HHAT: variants seen among roughly 807,000 people sequenced by gnomAD.
HHAT encodes hedgehog acyltransferase.
In HHAT, 47 loss-of-function variants were observed where a neutral mutation model predicts 70.8. That is an observed-to-expected ratio of 0.66 (90% CI 0.53 to 0.85). The LOEUF (loss-of-function observed/expected upper bound fraction) is 0.85. HHAT is among the 40% of genes least tolerant of loss of function. The probability of loss-of-function intolerance (pLI) is 0.00; values close to 1 mark genes in which losing one functional copy is unlikely to be tolerated. For synonymous variants in HHAT, 228 were observed against 247.6 expected (o/e 0.92, Z 0.74); for missense variants, 609 against 604.8 (o/e 1.01, Z -0.07).
intron 7 of HHAT, among the ~76,000 whole-genome samples, chr1:210,446,619 C>T (rs1201574003): frequency 1.3e-5 from 2 of 152,204 alleles, no homozygotes; most frequent in Non-Finnish European, 2.9e-5. Context: ...GGCCTCTGTG[C>T]TCCTGCACTG....
intron 3 of HHAT, among the ~76,000 whole-genome samples, chr1:210,381,584 A>C (rs895259899): frequency 1.3e-5 from 2 of 152,154 alleles, no homozygotes; most frequent in African/African-American, 4.8e-5. Context: ...CCCGGCCTCA[A>C]ATCATTTTTA....
chr1:210,602,029 G>A (rs1363867492), intron 10 of HHAT, among the ~76,000 whole-genome samples: 1 of 151,504 alleles, frequency 6.6e-6, no homozygotes, highest in African/African-American at 2.4e-5. Flanking sequence ...AGGCAGCCAA[G>A]GAACACCAAT....
At chr1:210,516,065 G>A (rs1271316391) in intron 9 of HHAT, among the ~76,000 whole-genome samples, 1 of 134,250 alleles carries the variant, frequency 7.4e-6, no homozygotes, top group African/African-American at 2.7e-5. Context: ...GTAAGACTCT[G>A]TCTCAAAAGA....
intron 2 of HHAT, among the ~76,000 whole-genome samples, chr1:210,361,117 C>A (rs897308701): frequency 6.6e-5 from 10 of 152,292 alleles, no homozygotes; most frequent in African/African-American, 2.4e-4. Flanking sequence ...TCCCGTGTAA[C>A]TCTGATGTTT....
chr1:210,429,480 C>G (rs1358490360), intron 7 of HHAT, among the ~76,000 whole-genome samples: 1 of 151,844 alleles, frequency 6.6e-6, no homozygotes, highest in East Asian at 1.9e-4. Flanking sequence ...GTCCCACACA[C>G]TGGATTTGAC....
At chr1:210,625,976 G>A (rs564172313) in intron 11 of HHAT, among the ~76,000 whole-genome samples, 2 of 152,350 alleles carry the variant, frequency 1.3e-5, no homozygotes, top group East Asian at 3.9e-4. Context: ...TGCACCAGCT[G>A]TCTATGGCAC....
intron 7 of HHAT, among the ~76,000 whole-genome samples, chr1:210,442,607 A>G (rs972990955): frequency 3.3e-5 from 5 of 152,066 alleles, no homozygotes; most frequent in African/African-American, 9.7e-5. Context: ...GCCAGTGATG[A>G]TGAGCATTTT....
At chr1:210,512,246 TGGA>T (rs1301570859) in intron 8 of HHAT, among the ~76,000 whole-genome samples, 1 of 152,022 alleles carries the variant, frequency 6.6e-6, no homozygotes, top group Non-Finnish European at 1.5e-5. Flanking sequence ...TTCTCTCAGG[TGGA>T]AAGCTCCAGG....
At chr1:210,329,221 C>T (rs1226339022) in intron 1 of HHAT, 117 bp downstream of exon 1, 6 of 1,237,700 alleles carry the variant, frequency 4.8e-6, no homozygotes, top group Non-Finnish European at 4.0e-6. Flanking sequence ...ACCCAAGTTC[C>T]CGTGTGCGCG....
chr1:210,488,809 T>C (rs900302931), intron 8 of HHAT, among the ~76,000 whole-genome samples: 2 of 152,122 alleles, frequency 1.3e-5, no homozygotes, highest in East Asian at 1.9e-4. Context: ...GGGAGGATCA[T>C]TTGAGCCCCT....
At chr1:210,339,750 G>T (rs999978331) in intron 1 of HHAT, among the ~76,000 whole-genome samples, 1 of 152,196 alleles carries the variant, frequency 6.6e-6, no homozygotes, top group Non-Finnish European at 1.5e-5. Context: ...GAACAGAACT[G>T]TCCAGACTGC....
intron 1 of HHAT, among the ~76,000 whole-genome samples, chr1:210,332,315 A>C (rs1296474300): frequency 6.6e-6 from 1 of 152,244 alleles, no homozygotes; most frequent in Non-Finnish European, 1.5e-5. Flanking sequence ...TTAGCAACAA[A>C]AGTGCAAGTG....
intron 8 of HHAT, among the ~76,000 whole-genome samples, chr1:210,472,847 G>T (rs2148463759): frequency 6.6e-6 from 1 of 152,284 alleles, no homozygotes; most frequent in East Asian, 1.9e-4. Flanking sequence ...ACAGGTCATA[G>T]GTGGATTTCA....
intron 8 of HHAT, among the ~76,000 whole-genome samples, chr1:210,483,546 G>A (rs2094430438): frequency 6.6e-6 from 1 of 152,138 alleles, no homozygotes; most frequent in Admixed American, 6.5e-5. Flanking sequence ...TAGGTTCTGT[G>A]TATTTGTGGG....
intron 10 of HHAT, among the ~76,000 whole-genome samples, chr1:210,613,958 T>G (rs1178574406): frequency 6.9e-6 from 1 of 144,976 alleles, no homozygotes; most frequent in Non-Finnish European, 1.5e-5. Flanking sequence ...AAGTCTAAGC[T>G]GCAGTGAGTC....
At chr1:210,465,544 A>C (rs973969115) in intron 8 of HHAT, among the ~76,000 whole-genome samples, 2 of 152,162 alleles carry the variant, frequency 1.3e-5, no homozygotes, top group Non-Finnish European at 2.9e-5. Flanking sequence ...AGTTCTCACT[A>C]TGTTTCCCAG....
intron 9 of HHAT, among the ~76,000 whole-genome samples, chr1:210,547,270 G>C (rs970779748): frequency 5.3e-5 from 8 of 152,182 alleles, no homozygotes; most frequent in African/African-American, 1.9e-4. Context: ...AGGTTGTGGT[G>C]AGCTGAGATC....
chr1:210,345,228 A>T (rs2086413580), intron 1 of HHAT, among the ~76,000 whole-genome samples: 1 of 152,060 alleles, frequency 6.6e-6, no homozygotes, highest in African/African-American at 2.4e-5. Flanking sequence ...TTGCATCCTG[A>T]GCTGCTGGAA....
intron 7 of HHAT, among the ~76,000 whole-genome samples, chr1:210,450,294 T>G (rs375198066): frequency 1.1e-3 from 166 of 144,670 alleles, no homozygotes; most frequent in South Asian, 1.4e-3. Flanking sequence ...GCGTCTCAGG[T>G]GGGGGGGGTG....
Sources: allele counts gnomAD v4.1 joint callset (sites outside exome capture counted in the v4.1 genomes callset), GRCh38; gene constraint gnomAD v4.1.1; transcripts MANE v1.5; gene names NCBI Gene and HGNC (gene_info 2026-07-23, HGNC 2026-07-21).